LRRTM4: variants seen among roughly 807,000 people sequenced by gnomAD.
The protein encoded by LRRTM4 is leucine rich repeat transmembrane neuronal 4.
In LRRTM4, 25 loss-of-function variants were observed where a neutral mutation model predicts 47.6. The ratio of observed to expected loss-of-function variants is 0.53; its 90% CI spans 0.38 to 0.73. The LOEUF is 0.73. Ranked by LOEUF, LRRTM4 falls within the 30% of genes least tolerant of loss-of-function variation. The pLI is 0.00. For synonymous variants in LRRTM4, 311 were observed against 269.5 expected (o/e 1.15, Z -1.51); for missense variants, 638 against 713.4 (o/e 0.89, Z 1.20).
intron 3 of LRRTM4, among the ~76,000 whole-genome samples, chr2:76,905,691 T>G (rs903152832): frequency 6.9e-6 from 1 of 145,694 alleles, no homozygotes; most frequent in African/African-American, 2.6e-5. Flanking sequence ...CAGAACTACG[T>G]GAAGAATGCA....
intron 3 of LRRTM4, among the ~76,000 whole-genome samples, chr2:76,980,427 AC>A: frequency 6.6e-6 from 1 of 152,260 alleles, no homozygotes; most frequent in Admixed American, 6.5e-5. Context: ...ATTTTCAAAT[AC>A]ATAAATTTTT....
At chr2:77,305,240 A>G (rs1007903381) in intron 3 of LRRTM4, among the ~76,000 whole-genome samples, 3 of 151,972 alleles carry the variant, frequency 2.0e-5, no homozygotes, top group Non-Finnish European at 4.4e-5. Context: ...ACAGAAATTA[A>G]TTTTTCCAAT....
At chr2:76,889,379 C>A (rs1315251552) in intron 3 of LRRTM4, among the ~76,000 whole-genome samples, 2 of 151,866 alleles carry the variant, frequency 1.3e-5, no homozygotes, top group Non-Finnish European at 2.9e-5. Flanking sequence ...TCCATATAGT[C>A]TTAAAGAAAA....
At chr2:76,781,127 C>T (rs1437926284) in intron 3 of LRRTM4, among the ~76,000 whole-genome samples, 6 of 152,378 alleles carry the variant, frequency 3.9e-5, no homozygotes, top group South Asian at 2.1e-4. Context: ...TCTCCAGCTG[C>T]ATGCTGGGAG....
At chr2:76,873,506 G>GTACATA in intron 3 of LRRTM4, among the ~76,000 whole-genome samples, 1 of 112,314 alleles carries the variant, frequency 8.9e-6, no homozygotes, top group East Asian at 2.5e-4. Flanking sequence ...ATATATGTGT[G>GTACATA]TATATATATA....
At chr2:77,324,526 A>G (rs916699062) in intron 3 of LRRTM4, among the ~76,000 whole-genome samples, 18 of 146,084 alleles carry the variant, frequency 1.2e-4, no homozygotes, top group Non-Finnish European at 2.6e-4. Flanking sequence ...AATCCAGAAA[A>G]GGGTTTAGGA....
intron 3 of LRRTM4, among the ~76,000 whole-genome samples, chr2:76,846,566 T>C (rs965533647): frequency 6.6e-6 from 1 of 152,170 alleles, no homozygotes; most frequent in Middle Eastern, 3.2e-3. Context: ...AAATGCTATC[T>C]AATAATTTTA....
At chr2:77,082,131 TGAA>T (rs1680553126) in intron 3 of LRRTM4, among the ~76,000 whole-genome samples, 1 of 152,138 alleles carries the variant, frequency 6.6e-6, no homozygotes, top group Non-Finnish European at 1.5e-5. Context: ...CTTCATCTCT[TGAA>T]GACCTTTTCT....
At chr2:77,439,551 G>T (rs929357110) in intron 3 of LRRTM4, among the ~76,000 whole-genome samples, 1 of 152,008 alleles carries the variant, frequency 6.6e-6, no homozygotes, top group Non-Finnish European at 1.5e-5. Context: ...TCTATTGTGT[G>T]AGACAACATT....
chr2:76,947,262 T>G (rs1323141654), intron 3 of LRRTM4, among the ~76,000 whole-genome samples: 1 of 152,014 alleles, frequency 6.6e-6, no homozygotes, highest in East Asian at 1.9e-4. Flanking sequence ...GTCCTGTGCC[T>G]TCTCTCATTT....
At chr2:77,067,686 TACACACACAC>T (rs3058033) in intron 3 of LRRTM4, among the ~76,000 whole-genome samples, 2 of 140,726 alleles carry the variant, frequency 1.4e-5, no homozygotes, top group Admixed American at 7.1e-5. Context: ...CAAAGATACG[TACACACACAC>T]ACACACACAC....
intron 3 of LRRTM4, among the ~76,000 whole-genome samples, chr2:76,992,537 A>T (rs566246960): frequency 6.6e-6 from 1 of 151,726 alleles, no homozygotes; most frequent in East Asian, 1.9e-4. Flanking sequence ...GCCACAAAGA[A>T]AATGAAATAT....
intron 3 of LRRTM4, among the ~76,000 whole-genome samples, chr2:76,924,474 A>C (rs1428924807): frequency 6.6e-6 from 1 of 152,086 alleles, no homozygotes; most frequent in African/African-American, 2.4e-5. Context: ...CCAATTCCAC[A>C]GTCTAATTCA....
rs143678321 is a variant in LRRTM4 at position 77,245,758 on chromosome 2, G to A, written c.1551+272560C>T. Among the ~76,000 whole-genome samples the A allele has an allele frequency of 3.8e-3, 585 of 152,160 alleles. 5 individuals are homozygous for A. Among genetic ancestry groups the A allele is most frequent in the African/African-American group, 0.014 (562 of 41,512 alleles). Reference sequence around the variant, plus strand: ...ATCTACATGTAGCATGTGTGTTTAGGTTTTTGAAGCTGTGGAATAGGAAAG... The same window carrying A: ...ATCTACATGTAGCATGTGTGTTTAGATTTTTGAAGCTGTGGAATAGGAAAG... On this transcript the variant is annotated intron_variant, in intron 3 of 3. Coordinates refer to ENST00000409884, the MANE Select transcript of LRRTM4 (RefSeq NM_001134745.3).
chr2:76,980,339 T>G (rs1470173404), intron 3 of LRRTM4, among the ~76,000 whole-genome samples: 1 of 152,098 alleles, frequency 6.6e-6, no homozygotes, highest in Non-Finnish European at 1.5e-5. Flanking sequence ...GTTACACTTT[T>G]GTTCAAGCTA....
At chr2:77,115,801 C>T (rs1312755147) in intron 3 of LRRTM4, among the ~76,000 whole-genome samples, 1 of 152,138 alleles carries the variant, frequency 6.6e-6, no homozygotes, top group Non-Finnish European at 1.5e-5. Flanking sequence ...TGACACTTTA[C>T]AACATGAAGG....
chr2:76,862,490 A>G (rs1229813877), intron 3 of LRRTM4, among the ~76,000 whole-genome samples: 4 of 152,222 alleles, frequency 2.6e-5, no homozygotes, highest in Non-Finnish European at 1.5e-5. Context: ...ATGCTGAGAA[A>G]TGGTATTGTC....
chr2:77,489,341 C>T (rs1573484605), intron 3 of LRRTM4, among the ~76,000 whole-genome samples: 1 of 152,258 alleles, frequency 6.6e-6, no homozygotes, highest in South Asian at 2.1e-4. Context: ...ATTGGTCTTC[C>T]TTAGCAGTCT....
rs1400045319 is a variant in LRRTM4 at position 76,769,450 on chromosome 2, T to C, written c.1552-20534A>G. Among the ~76,000 whole-genome samples, 6 of 152,048 alleles carry C rather than the reference T, an allele frequency of 3.9e-5. No individual in the cohort carries two copies. The East Asian group carries it at 1.2e-3, about 29-fold the overall frequency. ...TATTGGGAGTAGTTGACAGTGATAATATAAGCTAAGCTGGGAAAATAATTA... is the reference window on the plus strand; with the variant it reads ...TATTGGGAGTAGTTGACAGTGATAACATAAGCTAAGCTGGGAAAATAATTA... On this transcript the variant is annotated intron_variant, in intron 3 of 3. Transcript: ENST00000409884.
Sources: gnomAD v4.1 joint callset for allele counts (sites outside exome capture counted in the v4.1 genomes callset) on GRCh38, gnomAD v4.1.1 for gene constraint, MANE v1.5 for transcripts, NCBI Gene and HGNC (gene_info 2026-07-23, HGNC 2026-07-21) for gene names.